The following CTRB1 variants were observed in gnomAD, a reference collection of about 807,000 sequenced individuals.
CTRB1 encodes the protein chymotrypsinogen B1, also known as chymotrypsinogen B.
In CTRB1, 15 loss-of-function variants were observed where a neutral mutation model predicts 20.4. That is an observed-to-expected ratio of 0.74 (90% CI 0.49 to 1.13). The LOEUF is 1.13. Among genes scored for constraint, CTRB1 ranks in the 50% most tolerant of loss-of-function variants. The probability of loss-of-function intolerance (pLI) is 0.00; values close to 1 mark genes in which losing one functional copy is unlikely to be tolerated. For synonymous variants in CTRB1, 92 were observed against 128.4 expected (o/e 0.72, Z 1.92); for missense variants, 227 against 290.1 (o/e 0.78, Z 1.58).
chr16:75,220,432 C>T (rs1438182837), intron 1 of CTRB1, among the ~76,000 whole-genome samples: 1 of 152,202 alleles, frequency 6.6e-6, no homozygotes, highest in Non-Finnish European at 1.5e-5. Context: ...GATCCGCCCA[C>T]CTCAGCCTCC....
At chr16:75,222,624 A>G in intron 1 of CTRB1, 144 bp from the exon 2 acceptor site, 1 of 829,164 alleles carries the variant, frequency 1.2e-6, no homozygotes, top group Non-Finnish European at 1.8e-6. Context: ...AGACTTGGGG[A>G]CCAGGGAGGC....
chr16:75,222,438 G>C (rs1216318192), intron 1 of CTRB1, among the ~76,000 whole-genome samples: 1 of 152,202 alleles, frequency 6.6e-6, no homozygotes, highest in Non-Finnish European at 1.5e-5. Flanking sequence ...GCCCGGTCTA[G>C]GGTCACACGG....
At position 75,224,906 on chromosome 16, in the gene CTRB1, A is replaced by G. The variant is rs2076726934; in HGVS notation, c.*40A>G. The G allele has an allele frequency of 6.2e-7, 1 of 1,609,324 alleles. No homozygotes were observed. Among genetic ancestry groups the G allele is most frequent in the Non-Finnish European group, 8.5e-7 (1 of 1,178,918 alleles). On this transcript the variant is annotated 3_prime_UTR_variant, in exon 7 of 7. Coordinates refer to ENST00000361017, the MANE Select transcript of CTRB1 (RefSeq NM_001906.6). ...CCGACCCTGCTCCCCACAGAGCCTC[A>G]GTAAACCCATGGAACACACGTCGGC...
chr16:75,224,206 C>T lies in CTRB1; in HGVS notation c.630+18C>T, dbSNP rs566060646. On this transcript the variant is annotated intron_variant, in intron 6 of 6. Coordinates refer to ENST00000361017, the MANE Select transcript of CTRB1 (RefSeq NM_001906.6). ...CCTGCATGGTGAGGCTGGCCCTGCC[C>T]AGGCCCTGGCCAGGCGAGCGGGGTG... The T allele has an allele frequency of 7.1e-7, 1 of 1,406,452 alleles. No homozygotes were observed. The highest frequency in any genetic ancestry group is 2.5e-5 in the East Asian group (1 of 39,930). The allele number at this position is 1,406,452 out of a possible 1,614,324, so 87.1% of individuals were successfully genotyped here.
chr16:75,222,779 C>T lies in CTRB1; in HGVS notation c.64C>T (p.Pro22Ser), dbSNP rs1398373562. ...CCACTCCCCCCCAGGCTGCGGGGTCCCCGCCATCCACCCTGTGCTCAGCGG... is the reference window on the plus strand; with the variant it reads ...CCACTCCCCCCCAGGCTGCGGGGTCTCCGCCATCCACCCTGTGCTCAGCGG... The part of the protein sequence containing the change: ...LVGAAFGCGV[P>S]AIHPVLSGLS... The change falls in exon 2 of 7, where the codon CCC (proline) becomes TCC (serine). Residue 22 changes from proline (P) to serine (S), a missense_variant. Physicochemically the swap from Pro to Ser is moderately conservative, Grantham distance 74 (BLOSUM62 -1). Around this residue, in one of 4 missense-constraint regions of CTRB1, gnomAD observed 71 missense variants for 69.1 expected, o/e 1.03. Coordinates refer to ENST00000361017, the MANE Select transcript of CTRB1 (RefSeq NM_001906.6). 1.9e-6 allele frequency: 3 copies of T among 1,556,410 alleles called. No homozygotes were observed.
Position 75,224,657 on chromosome 16 carries a change from A to AAT in CTRB1, c.631-48_631-47insAT, listed in dbSNP as rs774617491. ...ACAATGTCCAGTGGCCCCTGGGACC[A>AAT]GTCTGTCTCGGCTGCCAGATCCAAG... is the stretch of plus-strand genomic sequence containing the variant. On this transcript the variant is annotated intron_variant, in intron 6 of 6. Coordinates refer to ENST00000361017, the MANE Select transcript of CTRB1 (RefSeq NM_001906.6). The AAT allele has an allele frequency of 2.2e-5, 35 of 1,567,030 alleles. 2 individuals are homozygous for AAT. The Admixed American group carries it at 2.3e-4, about 10-fold the overall frequency.
In CTRB1 at chr16:75,224,161, C is replaced by T. The variant is rs772568959; in HGVS notation, c.603C>T (p.Ala201=). 3.7e-5 allele frequency: 55 copies of T among 1,494,106 alleles called. No individual in the cohort carries two copies. Among genetic ancestry groups the T allele is most frequent in the Non-Finnish European group, 4.7e-5 (52 of 1,106,338 alleles). The allele number at this position is 1,494,106 out of a possible 1,614,324, so 92.6% of individuals were successfully genotyped here. The change falls in exon 6 of 7, where the codon GCC becomes GCT. Residue 201 remains alanine (A), a synonymous_variant. Transcript: ENST00000361017. ...GRRITDVMIC[A]GASGVSSCMG... is the part of the protein sequence containing the mutation. ...GGATCACCGACGTGATGATCTGTGC[C>T]GGGGCCAGTGGCGTCTCCTCCTGCA...
At chr16:75,224,573 C>T (rs562187499) in intron 6 of CTRB1, 132 bp from the exon 7 acceptor site, 6 of 1,101,248 alleles carry the variant, frequency 5.4e-6, no homozygotes, top group Non-Finnish European at 7.7e-6. Flanking sequence ...TTTCATAACC[C>T]ACGCAACAGC....
intron 1 of CTRB1, among the ~76,000 whole-genome samples, chr16:75,221,218 G>C (rs1359999616): frequency 6.6e-6 from 1 of 152,218 alleles, no homozygotes; most frequent in African/African-American, 2.4e-5. Flanking sequence ...TTGTTGGGTT[G>C]GCCCGCGCAC....
At chr16:75,221,486 A>G (rs1472668506) in intron 1 of CTRB1, among the ~76,000 whole-genome samples, 1 of 152,032 alleles carries the variant, frequency 6.6e-6, no homozygotes, top group African/African-American at 2.4e-5. Flanking sequence ...CAGCCTCCCA[A>G]GTAGCTGGGA....
At position 75,222,838 on chromosome 16, in the gene CTRB1, C is replaced by A. The variant is rs1225676614; in HGVS notation, c.123C>A (p.Val41=). 4.6e-6 allele frequency: 7 copies of A among 1,532,968 alleles called. No homozygotes were observed. The highest frequency in any genetic ancestry group is 1.4e-5 in the African/African-American group (1 of 72,560). 95.0% of individuals were successfully genotyped at this position (1,532,968 alleles called of 1,614,324 possible). A position where few individuals can be genotyped will look rare whatever the true frequency, so the allele number is the denominator to read the frequency against. ...LSRIVNGEDA[V]PGSWPWQVSL... is the part of the protein sequence containing the mutation. ...GGATCGTGAATGGGGAGGACGCCGT[C>A]CCCGGCTCCTGGCCCTGGCAGGTGT... Residue 41 remains valine, a synonymous_variant, in exon 2 of 7, where the codon GTC becomes GTA. Coordinates refer to ENST00000361017, the MANE Select transcript of CTRB1 (RefSeq NM_001906.6).
chr16:75,221,268 T>C (rs2039079631), intron 1 of CTRB1, among the ~76,000 whole-genome samples: 1 of 152,228 alleles, frequency 6.6e-6, no homozygotes, highest in Non-Finnish European at 1.5e-5. Context: ...AGAGGCATGG[T>C]GGGCGTGTGT....
intron 1 of CTRB1, chr16:75,222,486 C>A: frequency 1.9e-6 from 1 of 521,136 alleles, no homozygotes; most frequent in East Asian, 3.2e-5. Flanking sequence ...CCCAGGCAGT[C>A]TTACAGCCCG....
chr16:75,219,081 G>A (rs925804785), intron 1 of CTRB1, 22 bp downstream of exon 1: 23 of 1,577,122 alleles, frequency 1.5e-5, no homozygotes, highest in Non-Finnish European at 2.0e-5. Context: ...TGCCCGAGGG[G>A]TCTGTCCTGA....
intron 1 of CTRB1, 40 bp downstream of exon 1, chr16:75,219,099 C>T (rs750905966): frequency 5.5e-5 from 86 of 1,551,834 alleles, no homozygotes; most frequent in Non-Finnish European, 7.0e-5. Context: ...TGAGGGAGCC[C>T]TGAGCCTGGC....
In CTRB1 at chr16:75,224,903, C is replaced by T. The variant is rs1211250601; in HGVS notation, c.*37C>T. 1.2e-6 allele frequency: 2 copies of T among 1,609,840 alleles called. No homozygotes were observed. Among genetic ancestry groups the T allele is most frequent in the Non-Finnish European group, 1.7e-6 (2 of 1,179,108 alleles). ...CCTCCGACCCTGCTCCCCACAGAGC[C>T]TCAGTAAACCCATGGAACACACGTC... is the stretch of plus-strand genomic sequence containing the variant. On this transcript the variant is annotated 3_prime_UTR_variant, in exon 7 of 7. Coordinates refer to ENST00000361017, the MANE Select transcript of CTRB1 (RefSeq NM_001906.6).
intron 1 of CTRB1, among the ~76,000 whole-genome samples, chr16:75,220,109 G>A (rs948991394): frequency 1.3e-5 from 2 of 151,900 alleles, no homozygotes; most frequent in African/African-American, 4.8e-5. Flanking sequence ...ATAGCCTCCC[G>A]AGTAGCTGGC....
intron 1 of CTRB1, 26 bp from the exon 2 acceptor site, chr16:75,222,742 C>A (rs777183216): frequency 1.3e-6 from 2 of 1,548,304 alleles, no homozygotes; most frequent in Admixed American, 3.9e-5. Flanking sequence ...GGGGCCTCAG[C>A]CCTTATTCAC....
chr16:75,222,720 C>T, intron 1 of CTRB1, 48 bp from the exon 2 acceptor site: 1 of 1,530,470 alleles, frequency 6.5e-7, no homozygotes, highest in Non-Finnish European at 8.8e-7. Context: ...CAGGTGAGGC[C>T]CAGGTGGGTT....
Sources: allele counts gnomAD v4.1 joint callset (sites outside exome capture counted in the v4.1 genomes callset), GRCh38; gene constraint gnomAD v4.1.1; regional missense constraint gnomAD v4.1.1; transcripts MANE v1.5; gene names NCBI Gene and HGNC (gene_info 2026-07-23, HGNC 2026-07-21).